Variants in PLA2R1 observed in about 807,000 individuals in gnomAD.
PLA2R1 encodes phospholipase A2 receptor 1.
PLA2R1 carries 158 observed loss-of-function variants against 195.9 expected under a neutral mutation model. The ratio of observed to expected loss-of-function variants is 0.81; its 90% CI spans 0.71 to 0.92. PLA2R1 has a LOEUF of 0.92. PLA2R1 is among the 40% of genes least tolerant of loss of function. The pLI is 0.00. For missense variants in PLA2R1, 1,626 were observed against 1,764.6 expected (o/e 0.92, Z 1.41); for synonymous variants, 586 against 598.2 (o/e 0.98, Z 0.30).
At chr2:159,945,742 A>T in intron 27 of PLA2R1, 8 of 967,100 alleles carry the variant, frequency 8.3e-6, no homozygotes, top group Non-Finnish European at 9.8e-6. Flanking sequence ...CCTGAATTTA[A>T]TGAGACTCTT....
intron 10 of PLA2R1, among the ~76,000 whole-genome samples, chr2:160,008,651 G>A (rs997029992): frequency 3.3e-5 from 5 of 152,164 alleles, no homozygotes; most frequent in African/African-American, 4.8e-5. Flanking sequence ...ATGATTTCTT[G>A]TATATGATAC....
chr2:159,961,120 C>A (rs547411325), intron 20 of PLA2R1, among the ~76,000 whole-genome samples: 39 of 152,258 alleles, frequency 2.6e-4, no homozygotes, highest in Admixed American at 2.5e-3. Context: ...AAATATTTCC[C>A]TTTTAAAAAT....
chr2:159,956,643 A>C lies in PLA2R1; in HGVS notation c.2905-16T>G. The C allele has an allele frequency of 7.3e-7, 1 of 1,371,818 alleles. No homozygotes were observed. The highest frequency in any genetic ancestry group is 1.7e-5 in the Admixed American group (1 of 59,704). The allele number at this position is 1,371,818 out of a possible 1,614,324, so 85.0% of individuals were successfully genotyped here. A position where few individuals can be genotyped will look rare whatever the true frequency, so the allele number is the denominator to read the frequency against. Reference sequence around the variant, plus strand: ...GCAGAAGGCACTATCAAAAAATGTCAAAACAAAACATTCATTTCTGTATCT... The same window carrying C: ...GCAGAAGGCACTATCAAAAAATGTCCAAACAAAACATTCATTTCTGTATCT... On this transcript the variant is annotated splice_polypyrimidine_tract_variant and intron_variant, in intron 20 of 29. Transcript: ENST00000283243.
intron 11 of PLA2R1, among the ~76,000 whole-genome samples, chr2:159,989,220 T>C (rs1410937152): frequency 1.3e-5 from 2 of 152,196 alleles, no homozygotes; most frequent in Non-Finnish European, 2.9e-5. Flanking sequence ...GATTATAGTA[T>C]GCAACTGCCC....
At chr2:159,965,622 A>G (rs111904433) in intron 20 of PLA2R1, among the ~76,000 whole-genome samples, 3 of 152,310 alleles carry the variant, frequency 2.0e-5, no homozygotes, top group African/African-American at 7.2e-5. Context: ...AGGTTTTTAC[A>G]TATACATAAG....
chr2:160,045,232 A>G (rs1694785795), intron 1 of PLA2R1, 75 bp from the exon 2 acceptor site: 1 of 1,187,384 alleles, frequency 8.4e-7, no homozygotes, highest in Non-Finnish European at 1.2e-6. Context: ...CTCAGTGTGC[A>G]TATCTAAGTG....
chr2:159,984,553 T>G (rs1690193426), intron 12 of PLA2R1, among the ~76,000 whole-genome samples: 1 of 152,194 alleles, frequency 6.6e-6, no homozygotes, highest in Admixed American at 6.5e-5. Flanking sequence ...GATTGATCAT[T>G]ACTCTGGCTG....
chr2:160,013,978 T>C (rs1692565828), intron 9 of PLA2R1, among the ~76,000 whole-genome samples: 1 of 152,104 alleles, frequency 6.6e-6, no homozygotes, highest in Non-Finnish European at 1.5e-5. Context: ...GATTTTAGAA[T>C]TGAACAGAGG....
At chr2:159,974,207 T>C (rs1327525088) in intron 17 of PLA2R1, among the ~76,000 whole-genome samples, 1 of 152,174 alleles carries the variant, frequency 6.6e-6, no homozygotes, top group Non-Finnish European at 1.5e-5. Context: ...CGTTGTGCTC[T>C]TACATGCCCT....
intron 25 of PLA2R1, 78 bp from the exon 26 acceptor site, chr2:159,947,637 T>C: frequency 7.6e-7 from 1 of 1,307,808 alleles, no homozygotes; most frequent in South Asian, 1.3e-5. Context: ...TTACATTCTA[T>C]AAAAGATCAA....
At chr2:160,048,789 A>G (rs1321266375) in intron 1 of PLA2R1, among the ~76,000 whole-genome samples, 1 of 152,088 alleles carries the variant, frequency 6.6e-6, no homozygotes, top group Admixed American at 6.6e-5. Flanking sequence ...ACTTCCCTTC[A>G]TAATTATAAG....
intron 11 of PLA2R1, among the ~76,000 whole-genome samples, chr2:160,001,381 C>G (rs749336190): frequency 1.3e-5 from 2 of 151,250 alleles, no homozygotes; most frequent in Non-Finnish European, 3.0e-5. Context: ...CAAAAGATGG[C>G]AAGAAAGAAG....
intron 1 of PLA2R1, among the ~76,000 whole-genome samples, chr2:160,054,104 G>C (rs1029794762): frequency 2.6e-5 from 4 of 152,184 alleles, no homozygotes; most frequent in African/African-American, 9.7e-5. Flanking sequence ...AACCAGAAGA[G>C]TATCTGCCTT....
intron 13 of PLA2R1, among the ~76,000 whole-genome samples, chr2:159,980,446 T>A (rs1162725326): frequency 6.6e-6 from 1 of 152,256 alleles, no homozygotes; most frequent in African/African-American, 2.4e-5. Flanking sequence ...TACTTTACTA[T>A]GCTTTGATTT....
chr2:159,930,565 G>T (rs1043310322), downstream of PLA2R1, among the ~76,000 whole-genome samples: 4 of 152,138 alleles, frequency 2.6e-5, no homozygotes, highest in African/African-American at 9.6e-5. Flanking sequence ...TCCTCCTAGG[G>T]GTCTAATATA....
At chr2:159,953,647 G>A (rs1416277577) in intron 23 of PLA2R1, among the ~76,000 whole-genome samples, 3 of 152,152 alleles carry the variant, frequency 2.0e-5, no homozygotes, top group Admixed American at 6.5e-5. Context: ...TAGGCACTCC[G>A]GTGCCTATGC....
At chr2:160,029,305 G>A (rs776867240) in intron 4 of PLA2R1, among the ~76,000 whole-genome samples, 11 of 152,220 alleles carry the variant, frequency 7.2e-5, no homozygotes, top group Non-Finnish European at 1.5e-4. Context: ...GGTGGAGGAA[G>A]AGGTGTGCAG....
rs994058056 is a variant in PLA2R1 at position 159,950,418 on chromosome 2, C to T, written c.3541-642G>A. 3.4e-4 allele frequency among the ~76,000 whole-genome samples: 51 copies of T among 152,124 alleles called. 1 individual carries two copies. Among genetic ancestry groups the T allele is most frequent in the East Asian group, 1.9e-4 (1 of 5,202 alleles). Reference sequence around the variant, plus strand: ...AGTACTTGTCAAAATTTTAAGTGTACGCAGCAATTTTACTTCTAAAAAATT... The same window carrying T: ...AGTACTTGTCAAAATTTTAAGTGTATGCAGCAATTTTACTTCTAAAAAATT... On this transcript the variant is annotated intron_variant, in intron 24 of 29. Transcript: ENST00000283243.
intron 11 of PLA2R1, among the ~76,000 whole-genome samples, chr2:159,989,459 G>A (rs1236022726): frequency 1.3e-5 from 2 of 152,178 alleles, no homozygotes; most frequent in Non-Finnish European, 2.9e-5. Flanking sequence ...AGGGGCCCCA[G>A]TGGAAACTCC....
Sources: gnomAD v4.1 joint callset for allele counts (sites outside exome capture counted in the v4.1 genomes callset) on GRCh38, gnomAD v4.1.1 for gene constraint, MANE v1.5 for transcripts, NCBI Gene and HGNC (gene_info 2026-07-23, HGNC 2026-07-21) for gene names.